Variants in SLC5A10 observed in about 807,000 individuals in gnomAD.
SLC5A10 encodes the protein solute carrier family 5 member 10, also known as sodium/mannose cotransporter SLC5A10.
Under a neutral mutation model 68.9 loss-of-function variants are expected in SLC5A10, and 55 were observed. The ratio of observed to expected loss-of-function variants is 0.80; its 90% CI spans 0.64 to 1.00. The LOEUF (loss-of-function observed/expected upper bound fraction) is 1.00, where lower values mean the gene tolerates loss of function less well. SLC5A10 is among the 50% of genes least tolerant of loss of function. SLC5A10 has a pLI of 0.00. For synonymous variants in SLC5A10, 344 were observed against 344.8 expected (o/e 1.00, Z 0.02); for missense variants, 732 against 819.3 (o/e 0.89, Z 1.30).
At chr17:18,952,364 T>A in intron 1 of SLC5A10, 48 bp downstream of exon 1, 1 of 1,576,100 alleles carries the variant, frequency 6.3e-7, no homozygotes, top group African/African-American at 1.3e-5. Context: ...TCAGGGTTGG[T>A]GCTTGGGGTG....
At chr17:18,977,443 C>T in intron 9 of SLC5A10, 1 of 851,550 alleles carries the variant, frequency 1.2e-6, no homozygotes, top group Non-Finnish European at 1.8e-6. Flanking sequence ...CCTGCCTGTT[C>T]ATCAAGTTTC....
chr17:19,007,913 C>G (rs1004675494), intron 9 of SLC5A10, among the ~76,000 whole-genome samples: 1 of 134,664 alleles, frequency 7.4e-6, no homozygotes, highest in African/African-American at 4.0e-5. Flanking sequence ...AATTGCAATT[C>G]AGGGCATGCA....
intron 9 of SLC5A10, chr17:18,979,645 G>A: frequency 6.2e-7 from 1 of 1,613,522 alleles, no homozygotes. Flanking sequence ...GAAGAACTCA[G>A]TTCCCCCGCT....
chr17:19,020,240 C>T, intron 14 of SLC5A10, 28 bp downstream of exon 14: 2 of 1,613,934 alleles, frequency 1.2e-6, no homozygotes, highest in South Asian at 1.1e-5. Flanking sequence ...GGCACTCCTC[C>T]ACCTTGACCC....
At chr17:19,011,221 T>C (rs1337768395) in intron 9 of SLC5A10, among the ~76,000 whole-genome samples, 1 of 152,160 alleles carries the variant, frequency 6.6e-6, no homozygotes, top group Non-Finnish European at 1.5e-5. Context: ...GCTACTGCCT[T>C]GGGGGTTGGG....
chr17:19,008,134 C>G (rs1283520759), intron 9 of SLC5A10, among the ~76,000 whole-genome samples: 1 of 152,200 alleles, frequency 6.6e-6, no homozygotes, highest in Admixed American at 6.5e-5. Context: ...ATAGATAAAA[C>G]TGGTTGCAGG....
intron 9 of SLC5A10, among the ~76,000 whole-genome samples, chr17:18,986,565 C>A (rs906109334): frequency 1.3e-5 from 2 of 152,200 alleles, no homozygotes; most frequent in African/African-American, 2.4e-5. Context: ...CACTCCAGGC[C>A]CCCCACCTGC....
chr17:19,008,659 C>A (rs962099729), intron 9 of SLC5A10, among the ~76,000 whole-genome samples: 1 of 151,892 alleles, frequency 6.6e-6, no homozygotes, highest in African/African-American at 2.4e-5. Flanking sequence ...GCCACCACGC[C>A]CTGCTAATTT....
chr17:18,990,157 GC>G (rs963424201), intron 9 of SLC5A10, among the ~76,000 whole-genome samples: 2 of 152,188 alleles, frequency 1.3e-5, no homozygotes, highest in African/African-American at 4.8e-5. Flanking sequence ...AGCACTTGCT[GC>G]CCCCAGGGCT....
At chr17:18,957,454 C>CATTTT (rs749150491) in intron 1 of SLC5A10, among the ~76,000 whole-genome samples, 23 of 151,902 alleles carry the variant, frequency 1.5e-4, no homozygotes, top group Admixed American at 7.9e-4. Flanking sequence ...TCATTTTAAC[C>CATTTT]ATTTTATTTT....
At chr17:18,979,270 T>A (rs1201033366) in intron 9 of SLC5A10, 12 of 498,594 alleles carry the variant, frequency 2.4e-5, no homozygotes, top group South Asian at 7.2e-5. Context: ...TAAGGACGGC[T>A]CTCAGAGTGA....
chr17:18,990,399 C>G (rs1319161031), intron 9 of SLC5A10, among the ~76,000 whole-genome samples: 1 of 152,156 alleles, frequency 6.6e-6, no homozygotes, highest in Non-Finnish European at 1.5e-5. Context: ...CCTCTCCAGC[C>G]CCAGAATCTC....
At chr17:18,988,143 T>A in intron 9 of SLC5A10, 1 of 1,494,248 alleles carries the variant, frequency 6.7e-7, no homozygotes, top group South Asian at 1.3e-5. Flanking sequence ...TCTGAGTGCC[T>A]GGCACAGGAC....
In SLC5A10 at chr17:19,013,590, G is replaced by A. The variant is rs1016025618; in HGVS notation, c.1090+73G>A. On this transcript the variant is annotated intron_variant, in intron 10 of 14. Coordinates refer to ENST00000395645, the MANE Select transcript of SLC5A10 (RefSeq NM_001042450.4). Reference sequence around the variant, plus strand: ...TTGGGGCCCAATGAGTATGGGGACTGTGGAGGCTGCCACTCACTGGCCAAG... The same window carrying A: ...TTGGGGCCCAATGAGTATGGGGACTATGGAGGCTGCCACTCACTGGCCAAG... The A allele has an allele frequency of 8.0e-6, 4 of 498,286 alleles. No individual in the cohort carries two copies. In the South Asian group the frequency reaches 1.2e-4, roughly 15 times the overall value. 30.9% of individuals were successfully genotyped at this position (498,286 alleles called of 1,614,324 possible).
At chr17:18,986,725 C>G (rs1028821656) in intron 9 of SLC5A10, among the ~76,000 whole-genome samples, 1 of 152,232 alleles carries the variant, frequency 6.6e-6, no homozygotes, top group Non-Finnish European at 1.5e-5. Flanking sequence ...GACAGGCTTG[C>G]TCCCTGCTTG....
chr17:19,013,150 C>A (rs975978503), intron 9 of SLC5A10, among the ~76,000 whole-genome samples: 2 of 152,188 alleles, frequency 1.3e-5, no homozygotes, highest in Non-Finnish European at 2.9e-5. Context: ...CACAGCAGAG[C>A]CAACGGCAGG....
At chr17:19,007,920 T>C (rs569583126) in intron 9 of SLC5A10, among the ~76,000 whole-genome samples, 16 of 152,302 alleles carry the variant, frequency 1.1e-4, no homozygotes, top group African/African-American at 3.6e-4. Context: ...ATTCAGGGCA[T>C]GCACAAAGAC....
chr17:18,961,628 G>A (rs972374632), intron 5 of SLC5A10, among the ~76,000 whole-genome samples: 16 of 152,204 alleles, frequency 1.1e-4, no homozygotes, highest in Admixed American at 6.5e-4. Flanking sequence ...AAGAGGCGTC[G>A]ATTTAGTGAA....
chr17:18,984,422 C>T (rs935479078), intron 9 of SLC5A10, among the ~76,000 whole-genome samples: 4 of 152,136 alleles, frequency 2.6e-5, no homozygotes, highest in African/African-American at 9.7e-5. Context: ...AAGCAACACC[C>T]AGGCATCCCC....
Sources: gnomAD v4.1 joint callset for allele counts (sites outside exome capture counted in the v4.1 genomes callset) on GRCh38, gnomAD v4.1.1 for gene constraint, MANE v1.5 for transcripts, NCBI Gene and HGNC (gene_info 2026-07-23, HGNC 2026-07-21) for gene names.